The following LRRC69 variants were observed in gnomAD, a reference collection of about 807,000 sequenced individuals.
LRRC69 encodes the protein leucine-rich repeat-containing protein 69.
LRRC69 carries 42 observed loss-of-function variants against 37.8 expected under a neutral mutation model. The ratio of observed to expected loss-of-function variants is 1.11; its 90% CI spans 0.87 to 1.44. The LOEUF is 1.44. Ranked by LOEUF, LRRC69 falls within the 40% of genes most tolerant of loss-of-function variation. The pLI, the probability that LRRC69 is intolerant of heterozygous loss-of-function variation, is 0.00. For missense variants in LRRC69, 357 were observed against 401.9 expected (o/e 0.89, Z 0.96); for synonymous variants, 141 against 143.1 (o/e 0.99, Z 0.11).
intron 3 of LRRC69, among the ~76,000 whole-genome samples, chr8:91,132,826 G>A (rs1433994701): frequency 1.3e-5 from 2 of 151,912 alleles, no homozygotes; most frequent in Non-Finnish European, 2.9e-5. Flanking sequence ...CAATGTATAT[G>A]TATAAAGAAA....
chr8:91,108,062 C>T (rs185497690), intron 1 of LRRC69, among the ~76,000 whole-genome samples: 160 of 152,168 alleles, frequency 1.1e-3, no homozygotes, highest in South Asian at 3.7e-3. Flanking sequence ...TGACATGTAT[C>T]ATAAAGTCCA....
chr8:91,118,374 A>T, intron 1 of LRRC69: 24 of 59,598 alleles, frequency 4.0e-4, no homozygotes, highest in South Asian at 2.6e-3. Flanking sequence ...AAAAAAAAAA[A>T]AAAAAAAAAA....
intron 7 of LRRC69, among the ~76,000 whole-genome samples, chr8:91,204,374 A>G (rs1809763584): frequency 6.6e-6 from 1 of 152,236 alleles, no homozygotes; most frequent in Non-Finnish European, 1.5e-5. Flanking sequence ...TACAGCTAAT[A>G]GTGAAAAAAG....
chr8:91,156,446 T>G (rs1313752031), intron 5 of LRRC69, among the ~76,000 whole-genome samples: 1 of 150,898 alleles, frequency 6.6e-6, no homozygotes, highest in African/African-American at 2.4e-5. Context: ...TGCTCTTGAG[T>G]TGGGTTCTTT....
Position 91,121,429 on chromosome 8 carries a change from T to C in LRRC69, c.184-3064T>C, listed in dbSNP as rs536477917. On this transcript the variant is annotated intron_variant, in intron 1 of 7. Transcript: ENST00000448384. ...TATACCTTTCCAACCTCTTTTTCGC[T>C]GAGTGTTCCTCTACCTGCAGTGCTC... Among the ~76,000 whole-genome samples, 9 of 152,174 alleles carry C rather than the reference T, an allele frequency of 5.9e-5. No individual in the cohort carries two copies. The South Asian group carries it at 1.9e-3, about 32-fold the overall frequency.
intron 5 of LRRC69, among the ~76,000 whole-genome samples, chr8:91,160,907 C>T (rs1417661486): frequency 5.3e-5 from 8 of 151,158 alleles, no homozygotes; most frequent in Non-Finnish European, 1.0e-4. Flanking sequence ...CTTTTCCATA[C>T]TCACTATGAT....
intron 1 of LRRC69, chr8:91,118,113 C>T (rs1268650362): frequency 6.6e-6 from 3 of 452,446 alleles, no homozygotes; most frequent in African/African-American, 2.0e-5. Context: ...CTAGATCTTC[C>T]TAACAAGATA....
chr8:91,106,628 G>A (rs1813317779), intron 1 of LRRC69, among the ~76,000 whole-genome samples: 2 of 151,846 alleles, frequency 1.3e-5, no homozygotes, highest in Non-Finnish European at 1.5e-5. Context: ...TATAAAATGA[G>A]GTCTCCTTGG....
intron 1 of LRRC69, among the ~76,000 whole-genome samples, chr8:91,116,109 T>G (rs1813506446): frequency 6.6e-6 from 1 of 151,998 alleles, no homozygotes; most frequent in Non-Finnish European, 1.5e-5. Context: ...TGAAAACTAG[T>G]AAAGTGTCAA....
intron 1 of LRRC69, among the ~76,000 whole-genome samples, chr8:91,106,827 C>G (rs1276392484): frequency 6.6e-6 from 1 of 151,820 alleles, no homozygotes; most frequent in Non-Finnish European, 1.5e-5. Flanking sequence ...AGGTCCTGCT[C>G]TGTCACCCAA....
chr8:91,216,762 T>C (rs1233522839), intron 7 of LRRC69, among the ~76,000 whole-genome samples: 2 of 152,160 alleles, frequency 1.3e-5, no homozygotes, highest in Non-Finnish European at 2.9e-5. Context: ...AGATTTAAAA[T>C]ATTATATGTG....
chr8:91,209,782 C>T (rs1406291112), intron 7 of LRRC69, among the ~76,000 whole-genome samples: 1 of 152,038 alleles, frequency 6.6e-6, no homozygotes, highest in Non-Finnish European at 1.5e-5. Context: ...TTATCTATTC[C>T]ATCATGTTAA....
At chr8:91,200,872 C>A in intron 7 of LRRC69, 80 bp downstream of exon 7, 1 of 1,300,526 alleles carries the variant, frequency 7.7e-7, no homozygotes, top group Non-Finnish European at 1.0e-6. Flanking sequence ...TTAATACTAA[C>A]TAGATTTGTA....
At chr8:91,201,637 A>G (rs1418788146) in intron 7 of LRRC69, among the ~76,000 whole-genome samples, 1 of 152,044 alleles carries the variant, frequency 6.6e-6, no homozygotes, top group African/African-American at 2.4e-5. Flanking sequence ...TAGACTGTCT[A>G]ATGTTTGCTT....
At chr8:91,176,134 A>ATATATTTTTTTTTTTTTTTTTTTTTTT in intron 5 of LRRC69, among the ~76,000 whole-genome samples, 1 of 75,710 alleles carries the variant, frequency 1.3e-5, no homozygotes, top group Non-Finnish European at 2.4e-5. Flanking sequence ...ATATATATAT[A>ATATATTTTTTTTTTTTTTTTTTTTTTT]TTTTTTTTTT....
chr8:91,116,932 A>G (rs1007064890), intron 1 of LRRC69, among the ~76,000 whole-genome samples: 23 of 152,100 alleles, frequency 1.5e-4, no homozygotes, highest in African/African-American at 5.5e-4. Context: ...ATCCAAAGGC[A>G]TCAATGGACA....
intron 5 of LRRC69, among the ~76,000 whole-genome samples, chr8:91,142,380 A>G (rs1028603566): frequency 1.3e-5 from 2 of 152,122 alleles, no homozygotes; most frequent in African/African-American, 4.8e-5. Flanking sequence ...ACAAAAAGTT[A>G]TCTTTCTGGA....
chr8:91,140,342 A>G (rs1047115945), intron 5 of LRRC69, among the ~76,000 whole-genome samples: 11 of 151,992 alleles, frequency 7.2e-5, no homozygotes, highest in Non-Finnish European at 1.2e-4. Context: ...TCTTGAATGA[A>G]TGGGTATTAA....
intron 5 of LRRC69, among the ~76,000 whole-genome samples, chr8:91,164,847 A>T (rs1189983712): frequency 6.6e-6 from 1 of 151,666 alleles, no homozygotes; most frequent in African/African-American, 2.4e-5. Context: ...TTATATAAAC[A>T]TATTATGCCT....
Sources: allele counts gnomAD v4.1 joint callset (sites outside exome capture counted in the v4.1 genomes callset), GRCh38; gene constraint gnomAD v4.1.1; transcripts MANE v1.5; gene names NCBI Gene and HGNC (gene_info 2026-07-23, HGNC 2026-07-21).